Variants in CEP112 observed in about 807,000 individuals in gnomAD.
CEP112 encodes the protein centrosomal protein 112.
A neutral mutation model predicts 153.0 loss-of-function variants in CEP112; 127 were observed. That is an observed-to-expected ratio of 0.83 (90% CI 0.72 to 0.96). CEP112 has a LOEUF of 0.96. Ranked by LOEUF, CEP112 falls within the 40% of genes least tolerant of loss-of-function variation. The pLI, the probability that CEP112 is intolerant of heterozygous loss-of-function variation, is 0.00. For synonymous variants in CEP112, 358 were observed against 374.4 expected (o/e 0.96, Z 0.51); for missense variants, 1,089 against 1,101.2 (o/e 0.99, Z 0.16).
rs563958275 is a variant in CEP112, at chr17:65,726,208, G to A, written c.2607+16860C>T. 1.1e-4 allele frequency among the ~76,000 whole-genome samples: 17 copies of A among 152,064 alleles called. No individual in the cohort carries two copies. In the South Asian group the frequency reaches 1.7e-3, roughly 15 times the overall value. Reference sequence around the variant, plus strand: ...ACAAAAAATAGCTGGGTGTGGTGGTGGGTGCCTGTAATCCAAGCTACTTGG... The same window carrying A: ...ACAAAAAATAGCTGGGTGTGGTGGTAGGTGCCTGTAATCCAAGCTACTTGG... On this transcript the variant is annotated intron_variant, in intron 23 of 26. Transcript: ENST00000535342.
chr17:65,881,229 A>T (rs544726705), intron 20 of CEP112, among the ~76,000 whole-genome samples: 6 of 152,050 alleles, frequency 3.9e-5, no homozygotes, highest in Non-Finnish European at 5.9e-5. Context: ...ACAAATAAAC[A>T]AACACCCAAA....
chr17:66,017,033 T>C (rs2145580531), intron 16 of CEP112, among the ~76,000 whole-genome samples: 1 of 152,260 alleles, frequency 6.6e-6, no homozygotes, highest in African/African-American at 2.4e-5. Flanking sequence ...GTAAAGACCT[T>C]AGAACAATAT....
chr17:65,797,694 C>T (rs746958901), intron 21 of CEP112, among the ~76,000 whole-genome samples: 34 of 152,290 alleles, frequency 2.2e-4, no homozygotes, highest in Non-Finnish European at 4.3e-4. Context: ...AAGGAAGACA[C>T]GGCAGTTCAA....
chr17:66,123,407 A>G (rs1360097254), intron 6 of CEP112, among the ~76,000 whole-genome samples: 2 of 152,196 alleles, frequency 1.3e-5, no homozygotes, highest in Non-Finnish European at 2.9e-5. Flanking sequence ...CTGGGAATGG[A>G]ATTTCTGTGA....
At chr17:65,843,151 T>A (rs2057588809) in intron 21 of CEP112, among the ~76,000 whole-genome samples, 7 of 152,208 alleles carry the variant, frequency 4.6e-5, no homozygotes. Flanking sequence ...TTCATATAAA[T>A]GAACACCAAT....
chr17:65,832,777 C>T (rs183733410), intron 21 of CEP112, among the ~76,000 whole-genome samples: 1 of 152,026 alleles, frequency 6.6e-6, no homozygotes, highest in Admixed American at 6.5e-5. Flanking sequence ...CAGATGTACA[C>T]AGAAGAGCTG....
At chr17:65,971,774 C>A (rs1353559637) in intron 17 of CEP112, among the ~76,000 whole-genome samples, 1 of 152,028 alleles carries the variant, frequency 6.6e-6, no homozygotes, top group Non-Finnish European at 1.5e-5. Context: ...AAGCTGGAGT[C>A]GTGATATTAA....
intron 4 of CEP112, among the ~76,000 whole-genome samples, chr17:66,150,215 T>A (rs1293668496): frequency 1.4e-5 from 2 of 147,258 alleles, no homozygotes; most frequent in Non-Finnish European, 3.0e-5. Context: ...TTTTTTTTTT[T>A]AAGATGGAGT....
At chr17:65,904,276 G>A (rs993982441) in intron 19 of CEP112, among the ~76,000 whole-genome samples, 1 of 152,128 alleles carries the variant, frequency 6.6e-6, no homozygotes, top group African/African-American at 2.4e-5. Flanking sequence ...AAATCAATAT[G>A]CAAAAATCAC....
chr17:65,976,320 A>C (rs1157487904), intron 17 of CEP112, among the ~76,000 whole-genome samples: 2 of 152,170 alleles, frequency 1.3e-5, no homozygotes, highest in Non-Finnish European at 2.9e-5. Flanking sequence ...ATGTGTTCTA[A>C]ATTTGAGAGG....
Position 65,877,372 on chromosome 17 carries a change from A to G in CEP112, c.2163+24780T>C, listed in dbSNP as rs143557230. On this transcript the variant is annotated intron_variant, in intron 20 of 26. Transcript: ENST00000535342. The stretch of plus-strand genomic sequence containing the variant: ...CTGGAAGTCCAGGGTTAAGTGCTGT[A>G]GACTCCCTTTCTTTGGTGGGACAAC... 2.3e-3 allele frequency among the ~76,000 whole-genome samples: 346 copies of G among 152,218 alleles called. 1 individual carries two copies. The highest frequency in any genetic ancestry group is 8.0e-3 in the African/African-American group (331 of 41,554).
intron 4 of CEP112, among the ~76,000 whole-genome samples, chr17:66,163,220 C>T (rs117048005): frequency 3.6e-3 from 548 of 152,136 alleles, no homozygotes; most frequent in South Asian, 7.7e-3. Flanking sequence ...TTAAAGTGTA[C>T]CTATGCACTG....
chr17:65,956,891 T>C (rs1307497405), intron 18 of CEP112, among the ~76,000 whole-genome samples: 2 of 152,282 alleles, frequency 1.3e-5, no homozygotes, highest in East Asian at 3.9e-4. Context: ...AGACCCTCAG[T>C]GGATGTCTGA....
chr17:66,082,118 A>G (rs2067746004), intron 8 of CEP112, among the ~76,000 whole-genome samples: 1 of 152,176 alleles, frequency 6.6e-6, no homozygotes, highest in Non-Finnish European at 1.5e-5. Context: ...AGCAATTTCT[A>G]CCATCTGTTC....
chr17:65,951,746 C>CA (rs780754868), intron 18 of CEP112, among the ~76,000 whole-genome samples: 1 of 105,176 alleles, frequency 9.5e-6, no homozygotes, highest in South Asian at 4.4e-4. Flanking sequence ...TTCCCCCGCC[C>CA]CCCCCTTTCT....
chr17:66,029,153 TAGA>T lies in CEP112; in HGVS notation c.1470_1472del (p.Leu491del). ...AAGCTGAAAGAGCATGTTCTTGTTT[TAGA>T]AGGTTTATATCAGCATCATATTTGG... On this transcript the variant is annotated inframe_deletion, in exon 14 of 27. Coordinates refer to ENST00000535342, the MANE Select transcript of CEP112 (RefSeq NM_001199165.4). The T allele has an allele frequency of 6.2e-7, 1 of 1,605,886 alleles. No homozygotes were observed. Among genetic ancestry groups the T allele is most frequent in the Non-Finnish European group, 8.5e-7 (1 of 1,174,014 alleles).
chr17:65,682,372 G>T (rs546905620), intron 24 of CEP112, among the ~76,000 whole-genome samples: 4 of 150,330 alleles, frequency 2.7e-5, no homozygotes, highest in African/African-American at 9.7e-5. Flanking sequence ...CAAGCCTTCC[G>T]TATTTCTCTT....
At chr17:65,834,589 G>GA (rs1352901386) in intron 21 of CEP112, among the ~76,000 whole-genome samples, 3 of 152,124 alleles carry the variant, frequency 2.0e-5, no homozygotes, top group Non-Finnish European at 2.9e-5. Flanking sequence ...ACAAGCATAT[G>GA]AAAAAAAGCT....
chr17:65,731,281 G>A (rs1213054137), intron 23 of CEP112, among the ~76,000 whole-genome samples: 2 of 152,076 alleles, frequency 1.3e-5, no homozygotes, highest in African/African-American at 2.4e-5. Flanking sequence ...AGAGAGTCTC[G>A]CATATTTTTT....
Sources: allele counts gnomAD v4.1 joint callset (sites outside exome capture counted in the v4.1 genomes callset), GRCh38; gene constraint gnomAD v4.1.1; transcripts MANE v1.5; gene names NCBI Gene and HGNC (gene_info 2026-07-23, HGNC 2026-07-21).